The following XRRA1 variants were observed in gnomAD, a reference collection of about 807,000 sequenced individuals.
XRRA1 encodes the protein X-ray radiation resistance associated 1, also known as X-ray radiation resistance-associated protein 1.
In XRRA1, 69 loss-of-function variants were observed where a neutral mutation model predicts 80.2. The observed-to-expected ratio is 0.86, with a 90% CI of 0.71 to 1.05. The LOEUF is 1.05. XRRA1 is among the 50% of genes least tolerant of loss of function. The probability of loss-of-function intolerance (pLI) is 0.00; values close to 1 mark genes in which losing one functional copy is unlikely to be tolerated. For synonymous variants in XRRA1, 348 were observed against 389.9 expected, an observed-to-expected ratio of 0.89 and a Z score of 1.27; for missense variants, 967 against 976.4, an observed-to-expected ratio of 0.99 and a Z score of 0.13.
intron 9 of XRRA1, chr11:74,906,856 C>T (rs1024817634): frequency 1.9e-5 from 8 of 417,728 alleles, no homozygotes; most frequent in African/African-American, 1.6e-4. Context: ...ATTTTCCTGT[C>T]TCTACTGTCA....
At chr11:74,917,492 A>G (rs181139268) in intron 8 of XRRA1, among the ~76,000 whole-genome samples, 1 of 152,332 alleles carries the variant, frequency 6.6e-6, no homozygotes, top group African/African-American at 2.4e-5. Context: ...ATGAGGAGAC[A>G]GATTCTTGGT....
At chr11:74,922,274 A>G (rs969857595) in intron 7 of XRRA1, among the ~76,000 whole-genome samples, 1 of 151,382 alleles carries the variant, frequency 6.6e-6, no homozygotes, top group Non-Finnish European at 1.5e-5. Flanking sequence ...AAAAAAAAAA[A>G]AAAAGACAAA....
chr11:74,848,508 T>C, intron 14 of XRRA1, 46 bp from the exon 15 acceptor site: 3 of 1,517,324 alleles, frequency 2.0e-6, no homozygotes, highest in Non-Finnish European at 2.7e-6. Flanking sequence ...TAATTAGGAT[T>C]CTCTCCTCCT....
intron 8 of XRRA1, among the ~76,000 whole-genome samples, chr11:74,908,209 T>C (rs774758074): frequency 2.0e-5 from 3 of 152,238 alleles, no homozygotes; most frequent in Non-Finnish European, 2.9e-5. Flanking sequence ...ATATGTTTTG[T>C]ATGTGTTATC....
At chr11:74,881,255 G>A (rs2047494418) in intron 10 of XRRA1, among the ~76,000 whole-genome samples, 1 of 151,664 alleles carries the variant, frequency 6.6e-6, no homozygotes, top group Non-Finnish European at 1.5e-5. Context: ...TTGGTTTAAA[G>A]TCTGTTTTAT....
chr11:74,848,429 G>T lies in XRRA1; in HGVS notation c.1414C>A (p.Pro472Thr). Residue 472 changes from proline (P) to threonine (T), a missense_variant, in exon 15 of 19, where the codon CCT (proline) becomes ACT (threonine). Pro to Thr is a conservative substitution (Grantham distance 38, BLOSUM62 -1). Transcript: ENST00000684022. Reference protein sequence around the residue: ...KSEIPKVPKQPLVLHHPRMTT... With the variant: ...KSEIPKVPKQTLVLHHPRMTT... ...ATGCGCGGGTGATGGAGCACCAGAG[G>T]CTGCTTCGGCACCTTTGGGATTTCG... 1 of 1,612,548 alleles carries T rather than the reference G, an allele frequency of 6.2e-7. No individual in the cohort carries two copies. Among genetic ancestry groups the T allele is most frequent in the Non-Finnish European group, 8.5e-7 (1 of 1,178,740 alleles).
chr11:74,853,704 TAA>T (rs930109722), intron 12 of XRRA1, among the ~76,000 whole-genome samples: 4 of 152,240 alleles, frequency 2.6e-5, no homozygotes, highest in African/African-American at 9.6e-5. Flanking sequence ...TTAAGATGTT[TAA>T]GTTTGTTGCA....
intron 10 of XRRA1, among the ~76,000 whole-genome samples, chr11:74,871,698 C>T (rs1172111818): frequency 2.6e-5 from 4 of 152,184 alleles, no homozygotes; most frequent in African/African-American, 9.7e-5. Context: ...TCCCCACTCC[C>T]CCAGCTTCAC....
chr11:74,920,929 G>A (rs944482017), intron 8 of XRRA1, among the ~76,000 whole-genome samples: 5 of 152,188 alleles, frequency 3.3e-5, no homozygotes, highest in African/African-American at 1.2e-4. Context: ...CAGACTTACT[G>A]AGCTGACACA....
chr11:74,882,800 G>C (rs896864955), intron 10 of XRRA1, among the ~76,000 whole-genome samples: 6 of 152,208 alleles, frequency 3.9e-5, no homozygotes, highest in Admixed American at 1.3e-4. Context: ...CTGCTGGGGG[G>C]GTGCCTCCCA....
intron 13 of XRRA1, among the ~76,000 whole-genome samples, chr11:74,851,661 G>A (rs977623479): frequency 1.3e-5 from 2 of 152,154 alleles, no homozygotes; most frequent in Admixed American, 1.3e-4. Context: ...GCAGGGTGTG[G>A]TTCAAAAGAG....
intron 10 of XRRA1, among the ~76,000 whole-genome samples, chr11:74,892,217 A>G (rs2050938855): frequency 6.6e-6 from 1 of 152,118 alleles, no homozygotes; most frequent in Admixed American, 6.5e-5. Flanking sequence ...ATATAGACCA[A>G]TGGAACAGAA....
intron 8 of XRRA1, among the ~76,000 whole-genome samples, chr11:74,916,487 A>G (rs956560393): frequency 6.6e-6 from 1 of 151,998 alleles, no homozygotes; most frequent in African/African-American, 2.4e-5. Flanking sequence ...TTCTTATTCT[A>G]ATTTTCAGGT....
chr11:74,939,524 G>A (rs1945856450), intron 3 of XRRA1, among the ~76,000 whole-genome samples: 1 of 152,140 alleles, frequency 6.6e-6, no homozygotes, highest in Non-Finnish European at 1.5e-5. Flanking sequence ...CAAGTCAGCT[G>A]CGTCCTTTCA....
At chr11:74,850,997 G>T in intron 14 of XRRA1, 91 bp downstream of exon 14, 1 of 878,592 alleles carries the variant, frequency 1.1e-6, no homozygotes, top group Non-Finnish European at 1.7e-6. Context: ...AGGCACTGTG[G>T]AGTGAGCAGC....
At position 74,851,128 on chromosome 11, in the gene XRRA1, G is replaced by C. The variant is rs779365715; in HGVS notation, c.1340C>G (p.Pro447Arg). 6.2e-7 allele frequency: 1 copy of C among 1,612,994 alleles called. No individual in the cohort carries two copies. The highest frequency in any genetic ancestry group is 1.1e-5 in the South Asian group (1 of 91,014). Residue 447 changes from proline (P) to arginine (R), a missense_variant, in exon 14 of 19, where the codon CCT (proline) becomes CGT (arginine). Physicochemically the swap from Pro to Arg is moderately radical, Grantham distance 103. Coordinates refer to ENST00000684022, the MANE Select transcript of XRRA1 (RefSeq NM_001378157.1). ...IHLIRRKIVK[P>R]KHHVLMSRKE... ...CCGAGACATCAAAACATGATGCTTA[G>C]GCTTTACTATCTTCCTTCGAATTAA... is the stretch of plus-strand genomic sequence containing the variant.
At chr11:74,882,822 T>TGGGGGTC (rs2048001619) in intron 10 of XRRA1, among the ~76,000 whole-genome samples, 1 of 149,912 alleles carries the variant, frequency 6.7e-6, no homozygotes, top group African/African-American at 2.5e-5. Flanking sequence ...TTAGGCTGCT[T>TGGGGGTC]GGGGGTCAGG....
At chr11:74,941,673 T>A (rs1181893218) in intron 2 of XRRA1, among the ~76,000 whole-genome samples, 4 of 152,104 alleles carry the variant, frequency 2.6e-5, no homozygotes, top group Non-Finnish European at 5.9e-5. Flanking sequence ...TAATCCAAGC[T>A]GTACTTTACA....
chr11:74,856,606 T>C (rs745910812), intron 12 of XRRA1, among the ~76,000 whole-genome samples: 10 of 152,190 alleles, frequency 6.6e-5, no homozygotes, highest in Admixed American at 2.0e-4. Context: ...GTAAAAATTT[T>C]AGTGAATTTA....
Sources: gnomAD v4.1 joint callset for allele counts (sites outside exome capture counted in the v4.1 genomes callset) on GRCh38, gnomAD v4.1.1 for gene constraint, MANE v1.5 for transcripts, NCBI Gene and HGNC (gene_info 2026-07-23, HGNC 2026-07-21) for gene names.